The following ITGA2 variants were observed in gnomAD, a reference collection of about 807,000 sequenced individuals.
ITGA2 encodes integrin alpha-2.
Under a neutral mutation model 146.3 loss-of-function variants are expected in ITGA2, and 101 were observed. That is an observed-to-expected ratio of 0.69 (90% CI 0.59 to 0.81). ITGA2 has a LOEUF of 0.81. Ranked by LOEUF, ITGA2 falls within the 40% of genes least tolerant of loss-of-function variation. The pLI, the probability that ITGA2 is intolerant of heterozygous loss-of-function variation, is 0.00. For synonymous variants in ITGA2, 477 were observed against 487.1 expected, an observed-to-expected ratio of 0.98 and a Z score of 0.27; for missense variants, 1,281 against 1,402.7, an observed-to-expected ratio of 0.91 and a Z score of 1.39.
intron 1 of ITGA2, among the ~76,000 whole-genome samples, chr5:53,013,152 C>CTAGA (rs1742225986): frequency 6.6e-6 from 1 of 151,952 alleles, no homozygotes; most frequent in Non-Finnish European, 1.5e-5. Flanking sequence ...CTTTTGGCAT[C>CTAGA]TTTATCATGA....
chr5:53,075,576 G>T (rs990069428), intron 23 of ITGA2, among the ~76,000 whole-genome samples: 8 of 151,856 alleles, frequency 5.3e-5, no homozygotes, highest in African/African-American at 1.7e-4. Flanking sequence ...CACATTGCAG[G>T]CCCTCTGAGT....
intron 3 of ITGA2, among the ~76,000 whole-genome samples, chr5:53,043,692 A>G (rs529026357): frequency 4.6e-5 from 7 of 152,196 alleles, no homozygotes; most frequent in Non-Finnish European, 8.8e-5. Flanking sequence ...ACAAGAGATG[A>G]TACTTTTTGT....
At chr5:53,026,955 T>C in intron 2 of ITGA2, 87 bp downstream of exon 2, 1 of 1,198,282 alleles carries the variant, frequency 8.3e-7, no homozygotes, top group Non-Finnish European at 1.2e-6. Flanking sequence ...AATTGGTGCC[T>C]GACTGTACTA....
Position 53,092,237 on chromosome 5 carries a change from G to T in ITGA2, c.*1638G>T, listed in dbSNP as rs917337939. 1.1e-4 allele frequency: 17 copies of T among 152,160 alleles called. No homozygotes were observed. The highest frequency in any genetic ancestry group is 4.1e-4 in the African/African-American group (17 of 41,414). 9.4% of individuals were successfully genotyped at this position (152,160 alleles called of 1,614,324 possible). On this transcript the variant is annotated 3_prime_UTR_variant, in exon 30 of 30. Coordinates refer to ENST00000296585, the MANE Select transcript of ITGA2 (RefSeq NM_002203.4). ...GTCCTTGACCTCTATAAACTTCAGA[G>T]TCCTCATTATAAAATGGGAAGACTG...
At chr5:53,039,701 C>A (rs1003307007) in intron 2 of ITGA2, among the ~76,000 whole-genome samples, 1 of 129,418 alleles carries the variant, frequency 7.7e-6, no homozygotes, top group Non-Finnish European at 1.6e-5. Context: ...GATGGTGCCA[C>A]TGCACTCTAG....
chr5:53,083,510 C>A (rs1008929860), intron 27 of ITGA2, 57 bp downstream of exon 27: 3 of 1,035,144 alleles, frequency 2.9e-6, no homozygotes, highest in South Asian at 1.3e-5. Flanking sequence ...TAAGTCTGCA[C>A]TGACAAGTTC....
chr5:53,017,353 G>A (rs1424258720), intron 1 of ITGA2, among the ~76,000 whole-genome samples: 1 of 152,228 alleles, frequency 6.6e-6, no homozygotes, highest in Non-Finnish European at 1.5e-5. Context: ...GGGAGCAAAG[G>A]CTCAGCCCTG....
chr5:53,006,195 C>G (rs1165928473), intron 1 of ITGA2, among the ~76,000 whole-genome samples: 3 of 152,228 alleles, frequency 2.0e-5, no homozygotes, highest in South Asian at 4.2e-4. Context: ...CCTGCACATT[C>G]TGCACATGTA....
chr5:53,091,034 T>A lies in ITGA2; in HGVS notation c.*435T>A, dbSNP rs1740393247. 1 of 366,640 alleles carries A rather than the reference T, an allele frequency of 2.7e-6. No individual in the cohort carries two copies. Among genetic ancestry groups the A allele is most frequent in the Non-Finnish European group, 4.9e-6 (1 of 204,284 alleles). 22.7% of individuals were successfully genotyped at this position (366,640 alleles called of 1,614,324 possible). ...GAAGTGGAAGTGCTTGATATGTAAG[T>A]ACTTCCACTTGTGTATATTTTAATG... On this transcript the variant is annotated 3_prime_UTR_variant, in exon 30 of 30. Coordinates refer to ENST00000296585, the MANE Select transcript of ITGA2 (RefSeq NM_002203.4).
chr5:53,090,772 T>TGGGGG lies in ITGA2; in HGVS notation c.*174_*178dup. 3.1e-5 allele frequency: 3 copies of TGGGGG among 96,338 alleles called. No individual in the cohort carries two copies. The highest frequency in any genetic ancestry group is 1.3e-4 in the South Asian group (1 of 7,682). The allele number at this position is 96,338 out of a possible 1,614,324, so 6.0% of individuals were successfully genotyped here. ...TTTGGAATGAAGAAATTGTGGGGGG[T>TGGGGG]GGGGGAGGTGCGGGGGGCAGGTAGG... On this transcript the variant is annotated 3_prime_UTR_variant, in exon 30 of 30. Coordinates refer to ENST00000296585, the MANE Select transcript of ITGA2 (RefSeq NM_002203.4).
chr5:53,090,067 GAAA>G lies in ITGA2; in HGVS notation c.3465+7_3465+9del, dbSNP rs1340235867. 26 of 1,541,818 alleles carry G rather than the reference GAAA, an allele frequency of 1.7e-5. No homozygotes were observed. In the Admixed American group the frequency reaches 3.2e-4, roughly 19 times the overall value. ...CTGGTTGCAATTTTATGGAAGGTAA[GAAA>G]AGCTTTATATTTTAAAATACAGGGC... On this transcript the variant is annotated splice_donor_region_variant and intron_variant, in intron 29 of 29. Coordinates refer to ENST00000296585, the MANE Select transcript of ITGA2 (RefSeq NM_002203.4).
chr5:53,005,914 T>C (rs1399361264), intron 1 of ITGA2, among the ~76,000 whole-genome samples: 2 of 152,132 alleles, frequency 1.3e-5, no homozygotes, highest in African/African-American at 2.4e-5. Context: ...GCTCAGTAAA[T>C]GGACCTTTCA....
chr5:53,079,673 G>C (rs1452811895), intron 24 of ITGA2, among the ~76,000 whole-genome samples: 2 of 152,012 alleles, frequency 1.3e-5, no homozygotes, highest in Non-Finnish European at 2.9e-5. Flanking sequence ...GAATCTTTAT[G>C]ATCTAGATAC....
At chr5:53,058,873 G>T (rs1395223416) in intron 10 of ITGA2, among the ~76,000 whole-genome samples, 1 of 151,872 alleles carries the variant, frequency 6.6e-6, no homozygotes, top group Non-Finnish European at 1.5e-5. Context: ...AAATGTAAAT[G>T]AATCTATGCA....
At chr5:53,027,045 A>G (rs1008562053) in intron 2 of ITGA2, among the ~76,000 whole-genome samples, 177 bp downstream of exon 2, 12 of 152,220 alleles carry the variant, frequency 7.9e-5, no homozygotes, top group African/African-American at 9.6e-5. Context: ...CATTAATGGG[A>G]TGGTATAATG....
intron 13 of ITGA2, among the ~76,000 whole-genome samples, chr5:53,064,329 G>T (rs147522550): frequency 1.0e-3 from 157 of 151,970 alleles, no homozygotes; most frequent in African/African-American, 3.5e-3. Flanking sequence ...AGAGGAAAAT[G>T]AGACCAAGAA....
chr5:53,002,299 T>C (rs1741622483), intron 1 of ITGA2, among the ~76,000 whole-genome samples: 1 of 152,146 alleles, frequency 6.6e-6, no homozygotes, highest in Admixed American at 6.5e-5. Flanking sequence ...AATGTGTCCA[T>C]TGAAATACTA....
At chr5:53,043,812 C>T (rs1341683588) in intron 3 of ITGA2, among the ~76,000 whole-genome samples, 1 of 152,106 alleles carries the variant, frequency 6.6e-6, no homozygotes, top group African/African-American at 2.4e-5. Context: ...AAGAGTTCTT[C>T]CTTCTCTAAG....
At chr5:53,007,964 T>C (rs961130642) in intron 1 of ITGA2, among the ~76,000 whole-genome samples, 7 of 152,172 alleles carry the variant, frequency 4.6e-5, no homozygotes, top group Non-Finnish European at 7.4e-5. Flanking sequence ...ACTGGAATTA[T>C]TGTATATCTG....
Sources: allele counts gnomAD v4.1 joint callset (sites outside exome capture counted in the v4.1 genomes callset), GRCh38; gene constraint gnomAD v4.1.1; transcripts MANE v1.5; gene names NCBI Gene and HGNC (gene_info 2026-07-23, HGNC 2026-07-21).